Variants in CPNE4 observed in about 807,000 individuals in gnomAD.
The protein encoded by CPNE4 is copine-4.
Under a neutral mutation model 67.9 loss-of-function variants are expected in CPNE4, and 25 were observed. The ratio of observed to expected loss-of-function variants is 0.37; its 90% CI spans 0.27 to 0.51. The LOEUF is 0.51. Among genes scored for constraint, CPNE4 ranks in the 20% least tolerant of loss-of-function variants. The pLI, the probability that CPNE4 is intolerant of heterozygous loss-of-function variation, is 0.93. For synonymous variants in CPNE4, 242 were observed against 244.9 expected (o/e 0.99, Z 0.11); for missense variants, 464 against 690.8 (o/e 0.67, Z 3.68).
At chr3:131,805,715 A>G (rs1251683698) in intron 2 of CPNE4, among the ~76,000 whole-genome samples, 1 of 152,154 alleles carries the variant, frequency 6.6e-6, no homozygotes. Flanking sequence ...GATGGTAGTG[A>G]CTGGGTACCA....
chr3:131,743,435 A>G (rs1018975998), intron 2 of CPNE4, among the ~76,000 whole-genome samples: 1 of 152,226 alleles, frequency 6.6e-6, no homozygotes, highest in African/African-American at 2.4e-5. Flanking sequence ...ACAAGCATAA[A>G]TTTAATACCA....
chr3:131,836,558 T>A (rs1436864267), intron 2 of CPNE4, among the ~76,000 whole-genome samples: 1 of 152,178 alleles, frequency 6.6e-6, no homozygotes, highest in African/African-American at 2.4e-5. Flanking sequence ...AAGGCAAGCA[T>A]GTCTACTCTC....
chr3:132,026,014 T>C (rs1332573900), intron 1 of CPNE4, among the ~76,000 whole-genome samples: 2 of 152,244 alleles, frequency 1.3e-5, no homozygotes, highest in African/African-American at 4.8e-5. Flanking sequence ...ATATGTTGTA[T>C]TACAGATACA....
intron 7 of CPNE4, among the ~76,000 whole-genome samples, chr3:131,666,223 TTTTGAC>T (rs1183235194): frequency 6.6e-6 from 1 of 151,158 alleles, no homozygotes; most frequent in Non-Finnish European, 1.5e-5. Context: ...TGTTTTGCAG[TTTTGAC>T]TTTGGAACCA....
rs371051996 is a variant in CPNE4 at position 131,588,026 on chromosome 3, A to T, written c.682-444T>A. 3.9e-5 allele frequency among the ~76,000 whole-genome samples: 6 copies of T among 152,310 alleles called. No individual in the cohort carries two copies. In the East Asian group the frequency reaches 9.6e-4, roughly 24 times the overall value. The stretch of plus-strand genomic sequence containing the variant: ...CTTTCACAATGGCAGCTCCTGCTTC[A>T]TGATTTGAATGGGGCCATATTAATC... On this transcript the variant is annotated intron_variant, in intron 7 of 15. Transcript: ENST00000429747.
intron 7 of CPNE4, among the ~76,000 whole-genome samples, chr3:131,614,932 A>G (rs1940050966): frequency 6.6e-6 from 1 of 152,146 alleles, no homozygotes; most frequent in South Asian, 2.1e-4. Context: ...CATTGTTCTC[A>G]GGGAAAATAG....
chr3:131,662,359 T>C (rs2080147698), intron 7 of CPNE4, among the ~76,000 whole-genome samples: 1 of 152,144 alleles, frequency 6.6e-6, no homozygotes, highest in African/African-American at 2.4e-5. Context: ...ATATGAATAG[T>C]TGGATGTAAT....
intron 2 of CPNE4, among the ~76,000 whole-genome samples, chr3:131,904,061 A>C (rs191618860): frequency 5.9e-5 from 9 of 152,278 alleles, no homozygotes; most frequent in Admixed American, 4.6e-4. Context: ...CGCTCTTTGA[A>C]GAATGACTCA....
chr3:131,682,401 G>A (rs72983677), intron 6 of CPNE4, among the ~76,000 whole-genome samples: 2,982 of 152,180 alleles, frequency 0.02, 94 homozygotes, highest in African/African-American at 0.067. Flanking sequence ...ACTTGTAGAG[G>A]TACAGTGGTG....
intron 3 of CPNE4, among the ~76,000 whole-genome samples, chr3:131,706,371 C>T (rs2081413306): frequency 6.6e-6 from 1 of 152,154 alleles, no homozygotes; most frequent in South Asian, 2.1e-4. Flanking sequence ...TGACAGCTAC[C>T]GCTGTAAAGT....
At chr3:131,783,154 G>C (rs1217056505) in intron 2 of CPNE4, among the ~76,000 whole-genome samples, 1 of 152,076 alleles carries the variant, frequency 6.6e-6, no homozygotes, top group Non-Finnish European at 1.5e-5. Context: ...GCAAGCCTTG[G>C]AATAAGCATT....
intron 7 of CPNE4, among the ~76,000 whole-genome samples, chr3:131,661,296 G>A (rs2080118120): frequency 6.6e-6 from 1 of 152,142 alleles, no homozygotes; most frequent in African/African-American, 2.4e-5. Context: ...CTAAAGCTGT[G>A]TAAACTAAGC....
chr3:131,584,763 A>T (rs1441870027), intron 8 of CPNE4, among the ~76,000 whole-genome samples: 1 of 152,220 alleles, frequency 6.6e-6, no homozygotes, highest in East Asian at 1.9e-4. Flanking sequence ...GCCACATGAG[A>T]CTATTGAGTA....
At chr3:131,955,410 G>GTTTTTTTTTTTTTTTATTTTTTTT (rs2071921022) in intron 1 of CPNE4, among the ~76,000 whole-genome samples, 1 of 42,270 alleles carries the variant, frequency 2.4e-5, no homozygotes, top group African/African-American at 9.2e-5. Context: ...TGTATGTAAG[G>GTTTTTTTTTTTTTTTATTTTTTTT]TTTTTTTTTT....
chr3:131,634,168 A>G (rs2079313938), intron 7 of CPNE4, among the ~76,000 whole-genome samples: 1 of 152,132 alleles, frequency 6.6e-6, no homozygotes, highest in Admixed American at 6.5e-5. Context: ...TCTTTATCTT[A>G]CTGTTTGTGT....
chr3:131,760,978 G>A (rs571205358), intron 2 of CPNE4, among the ~76,000 whole-genome samples: 1 of 152,216 alleles, frequency 6.6e-6, no homozygotes, highest in African/African-American at 2.4e-5. Flanking sequence ...AGAATTCCCT[G>A]AGGGAAGAGA....
intron 1 of CPNE4, among the ~76,000 whole-genome samples, chr3:131,966,672 G>A (rs548755613): frequency 1.3e-5 from 2 of 152,196 alleles, no homozygotes; most frequent in Admixed American, 6.5e-5. Context: ...ACTAAACCAG[G>A]AAGAAGTCGA....
chr3:131,894,387 T>A (rs2088234794), intron 2 of CPNE4, among the ~76,000 whole-genome samples: 2 of 151,840 alleles, frequency 1.3e-5, no homozygotes, highest in Non-Finnish European at 2.9e-5. Context: ...TACACCAAAC[T>A]AAAAAGCTTT....
intron 13 of CPNE4, 30 bp from the exon 14 acceptor site, chr3:131,550,110 T>A: frequency 6.2e-7 from 1 of 1,610,728 alleles, no homozygotes; most frequent in Non-Finnish European, 8.5e-7. Context: ...GATCAACAGC[T>A]CCAGAGTCAC....
Sources: allele counts gnomAD v4.1 joint callset (sites outside exome capture counted in the v4.1 genomes callset), GRCh38; gene constraint gnomAD v4.1.1; transcripts MANE v1.5; gene names NCBI Gene and HGNC (gene_info 2026-07-23, HGNC 2026-07-21).